The following MTERF4 variants were observed in gnomAD, a reference collection of about 807,000 sequenced individuals.
MTERF4 encodes the protein mitochondrial transcription termination factor 4.
A neutral mutation model predicts 22.5 loss-of-function variants in MTERF4; 17 were observed. The observed-to-expected ratio is 0.75, with a 90% CI of 0.52 to 1.13. MTERF4 has a LOEUF of 1.13. MTERF4 is among the 50% of genes most tolerant of loss of function. The pLI is 0.00. For missense variants in MTERF4, 420 were observed against 466.8 expected, an observed-to-expected ratio of 0.90 and a Z score of 0.92; for synonymous variants, 165 against 175.3, an observed-to-expected ratio of 0.94 and a Z score of 0.47.
chr2:241,058,708 T>TATAA, the MTERF4 span, among the ~76,000 whole-genome samples: 4 of 152,214 alleles, frequency 2.6e-5, no homozygotes, highest in Non-Finnish European at 4.4e-5. Flanking sequence ...CGCAGCACTT[T>TATAA]AGGAGGCCGA....
chr2:241,058,566 G>A, the MTERF4 span, among the ~76,000 whole-genome samples: 2,562 of 152,288 alleles, frequency 0.017, 62 homozygotes, highest in African/African-American at 0.059. Flanking sequence ...ATGTGCTTAT[G>A]TATCAGCAAC....
chr2:241,097,166 C>T, intron 3 of MTERF4, 77 bp downstream of exon 3: 2 of 1,537,384 alleles, frequency 1.3e-6, no homozygotes, highest in Non-Finnish European at 1.8e-6. Context: ...CAGTCATTCT[C>T]ACCTGAAACT....
At chr2:241,091,331 C>T (rs1377909079), downstream of MTERF4, among the ~76,000 whole-genome samples, 1 of 152,214 alleles carries the variant, frequency 6.6e-6, no homozygotes, top group Non-Finnish European at 1.5e-5. This position sits in a 1 kb window ranked among gnomAD's most constrained non-coding sequence, Gnocchi z 4.1. Flanking sequence ...GGAAGAGGAA[C>T]AGGCTGTGAT....
At chr2:241,071,446 G>A (rs149682079), downstream of MTERF4, 3 of 1,083,212 alleles carry the variant, frequency 2.8e-6, no homozygotes, top group Non-Finnish European at 4.0e-6. Flanking sequence ...GATGACCACG[G>A]CCCACGCACA....
the MTERF4 span, chr2:241,062,909 G>C: frequency 1.3e-6 from 2 of 1,574,480 alleles, no homozygotes; most frequent in African/African-American, 2.7e-5. Context: ...AGCTGGGTAA[G>C]AGGGGCCCTG....
chr2:241,072,640 C>T (rs1007710524), exon 5 of MTERF4: 8 of 227,276 alleles, frequency 3.5e-5, no homozygotes, highest in African/African-American at 9.4e-5. Flanking sequence ...GCCCTGGGGT[C>T]CCTGCCGCAC....
chr2:241,071,712 GC>G, downstream of MTERF4: 1 of 903,698 alleles, frequency 1.1e-6, no homozygotes, highest in Non-Finnish European at 1.6e-6. Flanking sequence ...CCCCCACCCA[GC>G]CCCCCAGGTA....
At chr2:241,098,245 C>T (rs1304445726) in intron 2 of MTERF4, among the ~76,000 whole-genome samples, 2 of 152,136 alleles carry the variant, frequency 1.3e-5, no homozygotes, top group East Asian at 3.8e-4. Flanking sequence ...AATTAATCAC[C>T]ACCACACATA....
At chr2:241,058,764 C>G in the MTERF4 span, among the ~76,000 whole-genome samples, 8 of 152,126 alleles carry the variant, frequency 5.3e-5, no homozygotes, top group African/African-American at 9.7e-5. Context: ...TCCTGGCTAA[C>G]ACGGTGAAAC....
the MTERF4 span, chr2:241,063,486 A>G: frequency 1.3e-6 from 1 of 791,932 alleles, no homozygotes; most frequent in Admixed American, 2.0e-5. Context: ...CCCAGCTGGG[A>G]AAGGGGTAAC....
chr2:241,064,141 T>A, the MTERF4 span: 21 of 1,488,398 alleles, frequency 1.4e-5, 1 homozygote, highest in Non-Finnish European at 1.9e-5. The surrounding 1 kb of genome is among the most constrained non-coding windows in gnomAD (Gnocchi z 7.0). Context: ...GCGGCAGGCC[T>A]GCCTGCTCCC....
the MTERF4 span, among the ~76,000 whole-genome samples, chr2:241,064,343 C>T: frequency 6.6e-6 from 1 of 152,100 alleles, no homozygotes; most frequent in African/African-American, 2.4e-5. The surrounding 1 kb of genome is among the most constrained non-coding windows in gnomAD (Gnocchi z 7.0). Flanking sequence ...CCATCTCCTG[C>T]GCTCACCCCC....
intron 2 of MTERF4, among the ~76,000 whole-genome samples, chr2:241,098,618 A>C (rs1430778767): frequency 6.6e-6 from 1 of 152,232 alleles, no homozygotes; most frequent in Non-Finnish European, 1.5e-5. Flanking sequence ...ACCTGGCCAG[A>C]TCTCTCATGT....
At chr2:241,065,657 C>T in the MTERF4 span, 1 of 1,437,912 alleles carries the variant, frequency 7.0e-7, no homozygotes, top group Non-Finnish European at 9.6e-7. Flanking sequence ...CAGCGCTGGC[C>T]CCGGCACCTG....
chr2:241,048,540 G>T, the MTERF4 span: 13 of 1,493,698 alleles, frequency 8.7e-6, no homozygotes, highest in Non-Finnish European at 1.1e-5. Context: ...GAAAAGAAAC[G>T]TGTGAGTGCG....
the MTERF4 span, among the ~76,000 whole-genome samples, chr2:241,045,636 A>G: frequency 3.3e-5 from 5 of 151,994 alleles, no homozygotes; most frequent in Non-Finnish European, 5.9e-5. Flanking sequence ...CACACCTTAT[A>G]CAAAGATTAA....
At chr2:241,049,848 C>T in the MTERF4 span, 1 of 1,613,836 alleles carries the variant, frequency 6.2e-7, no homozygotes, top group African/African-American at 1.3e-5. Flanking sequence ...CGGACCCCTG[C>T]TTCAACGGAG....
At position 241,096,012 on chromosome 2, in the gene MTERF4, C is replaced by G; in HGVS notation, c.1132G>C (p.Asp378His). The G allele has an allele frequency of 6.2e-7, 1 of 1,613,874 alleles. No homozygotes were observed. The highest frequency in any genetic ancestry group is 8.5e-7 in the Non-Finnish European group (1 of 1,179,848). Reference protein sequence around the residue: ...AEDNDEDEDDDEEE With the variant: ...AEDNDEDEDDHEEE ...TTCCATCACAGCTATTCCTCCTCGT[C>G]GTCGTCCTCATCCTCATCATTGTCC... The change falls in exon 4 of 4, where the codon GAC becomes CAC. Residue 378 changes from aspartate to histidine, a missense_variant. Coordinates refer to ENST00000391980, the MANE Select transcript of MTERF4 (RefSeq NM_182501.4). The surrounding 1 kb of genome is among the most constrained non-coding windows in gnomAD (Gnocchi z 5.1).
chr2:241,053,646 T>C, the MTERF4 span, among the ~76,000 whole-genome samples: 1 of 152,212 alleles, frequency 6.6e-6, no homozygotes, highest in Non-Finnish European at 1.5e-5. Context: ...GGCAGAGTCC[T>C]AAAGAGCCAG....
Sources: gnomAD v4.1 joint callset for allele counts (sites outside exome capture counted in the v4.1 genomes callset) on GRCh38, gnomAD v4.1.1 for gene constraint, Gnocchi (gnomAD v3.1) non-coding constraint, MANE v1.5 for transcripts, NCBI Gene and HGNC (gene_info 2026-07-23, HGNC 2026-07-21) for gene names.